Variants in PLEK observed in about 807,000 individuals in gnomAD.
The protein encoded by PLEK is pleckstrin, also known as platelet 47 kDa protein.
Under a neutral mutation model 43.9 loss-of-function variants are expected in PLEK, and 25 were observed. The observed-to-expected ratio is 0.57, with a 90% CI of 0.41 to 0.79. The LOEUF (loss-of-function observed/expected upper bound fraction) is 0.79, where lower values mean the gene tolerates loss of function less well. Ranked by LOEUF, PLEK falls within the 30% of genes least tolerant of loss-of-function variation. The pLI is 0.00. For synonymous variants in PLEK, 152 were observed against 144.4 expected, an observed-to-expected ratio of 1.05 and a Z score of -0.38; for missense variants, 396 against 413.3, an observed-to-expected ratio of 0.96 and a Z score of 0.36.
At chr2:68,389,915 G>A in intron 6 of PLEK, among the ~76,000 whole-genome samples, 1 of 152,176 alleles carries the variant, frequency 6.6e-6, no homozygotes, top group East Asian at 1.9e-4. Flanking sequence ...AGTAACTTGG[G>A]AGGAAATTTC....
At chr2:68,369,580 C>T (rs879368661) in intron 1 of PLEK, among the ~76,000 whole-genome samples, 1 of 150,802 alleles carries the variant, frequency 6.6e-6, no homozygotes, top group African/African-American at 2.4e-5. Context: ...GCCCCCAAAA[C>T]CGTACTTTTA....
Position 68,395,847 on chromosome 2 carries a change from A to AG in PLEK, c.*34dup, listed in dbSNP as rs1345635953. The stretch of plus-strand genomic sequence containing the variant: ...CTCCTGCATTCCTCCTCCCCTCCTG[A>AG]GGGAAGCCCATGGACAAGCTCAGTC... On this transcript the variant is annotated 3_prime_UTR_variant, in exon 9 of 9. Transcript: ENST00000234313. 6.3e-7 allele frequency: 1 copy of AG among 1,599,470 alleles called. No individual in the cohort carries two copies. Among genetic ancestry groups the AG allele is most frequent in the Admixed American group, 1.7e-5 (1 of 59,676 alleles).
rs1257201254 is a variant in PLEK, at chr2:68,396,838, G to A, written c.*1022G>A. On this transcript the variant is annotated 3_prime_UTR_variant, in exon 9 of 9. Coordinates refer to ENST00000234313, the MANE Select transcript of PLEK (RefSeq NM_002664.3). ...ACTACTGGCCAGCTCACTGGATGATGGGTTAATACAACAACTGCACTGTAA... is the reference window on the plus strand; with the variant it reads ...ACTACTGGCCAGCTCACTGGATGATAGGTTAATACAACAACTGCACTGTAA... The A allele has an allele frequency of 1.3e-5, 2 of 152,234 alleles. No individual in the cohort carries two copies. Among genetic ancestry groups the A allele is most frequent in the Non-Finnish European group, 2.9e-5 (2 of 68,068 alleles). 9.4% of individuals were successfully genotyped at this position (152,234 alleles called of 1,614,324 possible). A position where few individuals can be genotyped will look rare whatever the true frequency, so the allele number is the denominator to read the frequency against.
rs374423516 is a variant in PLEK, at chr2:68,371,207, CTT to C, written c.42+5815_42+5816del. Among the ~76,000 whole-genome samples the C allele has an allele frequency of 1.6e-3, 250 of 152,320 alleles. 1 individual carries two copies. Among genetic ancestry groups the C allele is most frequent in the African/African-American group, 5.9e-3 (244 of 41,576 alleles). ...TTAACAAGCATGCTTGAATACTTCT[CTT>C]GTTAGGGAACTCACTAATTACATTT... On this transcript the variant is annotated intron_variant, in intron 1 of 8. Coordinates refer to ENST00000234313, the MANE Select transcript of PLEK (RefSeq NM_002664.3).
rs149733421 is a variant in PLEK, at chr2:68,384,338, C to T, written c.472+1705C>T. Reference sequence around the variant, plus strand: ...CCCGGGTTCAAGCGTGATTCTCGTGCCTCAGCCTCCTGAGGAGCTGGGATT... The same window carrying T: ...CCCGGGTTCAAGCGTGATTCTCGTGTCTCAGCCTCCTGAGGAGCTGGGATT... On this transcript the variant is annotated intron_variant, in intron 4 of 8. Transcript: ENST00000234313. Among the ~76,000 whole-genome samples the T allele has an allele frequency of 3.1e-3, 472 of 152,224 alleles. 3 individuals carry two copies. Among genetic ancestry groups the T allele is most frequent in the African/African-American group, 0.011 (446 of 41,520 alleles).
chr2:68,393,315 T>C, intron 7 of PLEK, 70 bp downstream of exon 7: 2 of 1,024,256 alleles, frequency 2.0e-6, no homozygotes, highest in East Asian at 2.4e-5. Context: ...GGGCTTCCTA[T>C]TCCCCTCTCT....
intron 1 of PLEK, among the ~76,000 whole-genome samples, chr2:68,372,567 A>G (rs1258925200): frequency 6.6e-6 from 1 of 152,170 alleles, no homozygotes; most frequent in Admixed American, 6.5e-5. Flanking sequence ...GTGCTAAATT[A>G]TACCAGTCCC....
chr2:68,373,929 G>A (rs1454354561), intron 1 of PLEK, among the ~76,000 whole-genome samples: 2 of 152,124 alleles, frequency 1.3e-5, no homozygotes, highest in Non-Finnish European at 2.9e-5. Context: ...ATACATAGCA[G>A]AGTCATATGT....
chr2:68,391,835 A>C (rs17035422), intron 6 of PLEK, among the ~76,000 whole-genome samples: 1 of 152,146 alleles, frequency 6.6e-6, no homozygotes, highest in Admixed American at 6.5e-5. Flanking sequence ...ATATAATACT[A>C]TTTTTGGCTT....
intron 7 of PLEK, among the ~76,000 whole-genome samples, chr2:68,393,568 G>A (rs1000097883): frequency 4.6e-5 from 7 of 152,252 alleles, no homozygotes; most frequent in African/African-American, 1.7e-4. Context: ...ATGCATAAAG[G>A]TGATAATTCC....
intron 1 of PLEK, among the ~76,000 whole-genome samples, chr2:68,374,320 A>G (rs1673463219): frequency 6.6e-6 from 1 of 152,214 alleles, no homozygotes; most frequent in Non-Finnish European, 1.5e-5. Context: ...ACTCAATAAT[A>G]TTCTGCATAG....
At chr2:68,382,246 C>T (rs1673637860) in intron 3 of PLEK, among the ~76,000 whole-genome samples, 1 of 152,136 alleles carries the variant, frequency 6.6e-6, no homozygotes, top group Non-Finnish European at 1.5e-5. Context: ...AAATTTCCAT[C>T]CCAGGAACCA....
rs1347356153 is a variant in PLEK at position 68,375,962 on chromosome 2, C to T, written c.43-4366C>T. 2.0e-5 allele frequency among the ~76,000 whole-genome samples: 3 copies of T among 152,166 alleles called. No homozygotes were observed. The East Asian group carries it at 5.8e-4, about 29-fold the overall frequency. On this transcript the variant is annotated intron_variant, in intron 1 of 8. Coordinates refer to ENST00000234313, the MANE Select transcript of PLEK (RefSeq NM_002664.3). The stretch of plus-strand genomic sequence containing the variant: ...AGGGCTACATTAATGTGGATAGCCT[C>T]ATTCTGGCATTATAGACCTTTTGCA...
intron 1 of PLEK, among the ~76,000 whole-genome samples, chr2:68,374,226 A>C (rs773586098): frequency 6.6e-5 from 10 of 152,234 alleles, no homozygotes; most frequent in Non-Finnish European, 1.5e-4. Flanking sequence ...ATATAATCAC[A>C]ATGCCATTAT....
chr2:68,395,387 ATT>A (rs1190904674), intron 8 of PLEK, among the ~76,000 whole-genome samples: 1 of 152,090 alleles, frequency 6.6e-6, no homozygotes, highest in African/African-American at 2.4e-5. Context: ...AAGGTGAGAA[ATT>A]TAGTTTGCCT....
At position 68,369,305 on chromosome 2, in the gene PLEK, G is replaced by A. The variant is rs115990847; in HGVS notation, c.42+3912G>A. Among the ~76,000 whole-genome samples the A allele has an allele frequency of 1.6e-3, 249 of 152,270 alleles. 1 individual carries two copies. The highest frequency in any genetic ancestry group is 5.9e-3 in the African/African-American group (243 of 41,532). On this transcript the variant is annotated intron_variant, in intron 1 of 8. Transcript: ENST00000234313. Reference sequence around the variant, plus strand: ...ACACAGTTAATAAGTGGCAGAGCTGGTTTGCAACCCAGCAGTGTGGCCCCA... The same window carrying A: ...ACACAGTTAATAAGTGGCAGAGCTGATTTGCAACCCAGCAGTGTGGCCCCA...
intron 5 of PLEK, 30 bp from the exon 6 acceptor site, chr2:68,388,357 A>G (rs987884794): frequency 7.7e-7 from 1 of 1,298,418 alleles, no homozygotes; most frequent in Non-Finnish European, 1.1e-6. Context: ...AAGACTGGTG[A>G]TGTTAGCTTG....
intron 4 of PLEK, among the ~76,000 whole-genome samples, chr2:68,386,108 T>C (rs573188334): frequency 1.3e-5 from 2 of 150,910 alleles, no homozygotes; most frequent in Non-Finnish European, 2.9e-5. Context: ...TTTTTATTTA[T>C]TTATTTTTTA....
chr2:68,366,746 C>G (rs1050656843), intron 1 of PLEK, among the ~76,000 whole-genome samples: 9 of 152,142 alleles, frequency 5.9e-5, no homozygotes, highest in Admixed American at 3.9e-4. Flanking sequence ...CAATAGGCAC[C>G]AATAATAATT....
Sources: allele counts gnomAD v4.1 joint callset (sites outside exome capture counted in the v4.1 genomes callset), GRCh38; gene constraint gnomAD v4.1.1; transcripts MANE v1.5; gene names NCBI Gene and HGNC (gene_info 2026-07-23, HGNC 2026-07-21).